Variants in GAS7 observed in about 807,000 individuals in gnomAD.
GAS7 encodes growth arrest-specific protein 7.
GAS7 carries 28 observed loss-of-function variants against 71.1 expected under a neutral mutation model. The ratio of observed to expected loss-of-function variants is 0.39; its 90% CI spans 0.29 to 0.54. GAS7 has a LOEUF of 0.54. Ranked by LOEUF, GAS7 falls within the 20% of genes least tolerant of loss-of-function variation. The pLI, the probability that GAS7 is intolerant of heterozygous loss-of-function variation, is 0.62. For missense variants in GAS7, 436 were observed against 627.8 expected (o/e 0.69, Z 3.27); for synonymous variants, 258 against 245.8 (o/e 1.05, Z -0.46).
chr17:10,181,069 C>T (rs1252846683), intron 1 of GAS7, among the ~76,000 whole-genome samples: 8 of 25,378 alleles, frequency 3.2e-4, no homozygotes, highest in African/African-American at 4.4e-4. Flanking sequence ...GGTGGCAGTG[C>T]GGGGGTGGCG....
intron 1 of GAS7, among the ~76,000 whole-genome samples, chr17:10,164,169 G>A (rs370080993): frequency 1.2e-4 from 18 of 152,226 alleles, no homozygotes; most frequent in South Asian, 1.0e-3. Flanking sequence ...TGGACTGGGC[G>A]CGGTGGCTCA....
rs2067997995 is a variant in GAS7, at chr17:9,926,320, C to T, written c.1014+321G>A. 6.6e-6 allele frequency among the ~76,000 whole-genome samples: 1 copy of T among 152,130 alleles called. No homozygotes were observed. Among genetic ancestry groups the T allele is most frequent in the African/African-American group, 2.4e-5 (1 of 41,426 alleles). On this transcript the variant is annotated intron_variant, in intron 10 of 13. Transcript: ENST00000432992. The surrounding 1 kb of genome is among the most constrained non-coding windows in gnomAD (Gnocchi z 5.0). ...GGTGAGGCTTAAACACGGGGCCCCA[C>T]GTGAACCAGCAGCAGCACTGCTAGG...
intron 9 of GAS7, among the ~76,000 whole-genome samples, 172 bp downstream of exon 9, chr17:9,933,994 G>A (rs2068300561): frequency 6.6e-6 from 1 of 152,172 alleles, no homozygotes; most frequent in African/African-American, 2.4e-5. Flanking sequence ...ACCTCATGGT[G>A]AGCCACTGGG....
At chr17:10,052,106 C>G (rs1207889585) in intron 1 of GAS7, among the ~76,000 whole-genome samples, 1 of 152,056 alleles carries the variant, frequency 6.6e-6, no homozygotes, top group Non-Finnish European at 1.5e-5. Flanking sequence ...CCCACACTGT[C>G]CCCCGATTCC....
intron 1 of GAS7, among the ~76,000 whole-genome samples, chr17:10,127,254 G>A (rs1355329366): frequency 1.3e-5 from 2 of 152,148 alleles, no homozygotes; most frequent in East Asian, 3.9e-4. Flanking sequence ...GCTTCCACGA[G>A]CCCCTCCTCA....
rs571920814 is a variant in GAS7, at chr17:10,141,446, A to C, written c.183+56762T>G. On this transcript the variant is annotated intron_variant, in intron 1 of 13. Transcript: ENST00000432992. ...CTGGGCAACAGCAAGACTGTGCCAA[A>C]AAAAAAAAGGCCACTGCTTGAATGA... is the stretch of plus-strand genomic sequence containing the variant. Among the ~76,000 whole-genome samples, 6 of 152,044 alleles carry C rather than the reference A, an allele frequency of 3.9e-5. No homozygotes were observed. In the South Asian group the frequency reaches 1.0e-3, roughly 26 times the overall value.
intron 2 of GAS7, among the ~76,000 whole-genome samples, chr17:9,983,423 C>T (rs1257649825): frequency 6.6e-6 from 1 of 151,830 alleles, no homozygotes; most frequent in African/African-American, 2.4e-5. Flanking sequence ...CCTGGGAAGT[C>T]GAGGCTGCAG....
intron 1 of GAS7, among the ~76,000 whole-genome samples, chr17:10,112,017 T>C (rs1188532544): frequency 1.3e-5 from 2 of 152,228 alleles, no homozygotes; most frequent in South Asian, 2.1e-4. Context: ...ACTTCCGCAG[T>C]TGCACCAGCC....
chr17:10,012,768 A>G (rs2071826185), intron 2 of GAS7, among the ~76,000 whole-genome samples: 1 of 152,102 alleles, frequency 6.6e-6, no homozygotes, highest in Non-Finnish European at 1.5e-5. Context: ...GGAGGTGACT[A>G]AGTCATGCAG....
intron 1 of GAS7, among the ~76,000 whole-genome samples, chr17:10,020,867 C>T (rs528581284): frequency 4.6e-5 from 7 of 152,180 alleles, no homozygotes; most frequent in African/African-American, 1.2e-4. Context: ...GAGCAGAGAT[C>T]GCACCACTGC....
intron 1 of GAS7, among the ~76,000 whole-genome samples, chr17:10,033,199 T>C (rs146840827): frequency 3.6e-3 from 547 of 152,298 alleles, no homozygotes; most frequent in Middle Eastern, 0.017. Context: ...ATTTTGTAGA[T>C]TGTTGACCTA....
In GAS7 at chr17:9,913,438, G is replaced by C. The variant is rs906431808; in HGVS notation, c.*3790C>G. On this transcript the variant is annotated 3_prime_UTR_variant, in exon 14 of 14. Coordinates refer to ENST00000432992, the MANE Select transcript of GAS7 (RefSeq NM_201433.2). Reference sequence around the variant, plus strand: ...TGATGTCCTTCGAATGTTATGGCTTGTATTTCCAAAAGGGACTTTGGCTCA... The same window carrying C: ...TGATGTCCTTCGAATGTTATGGCTTCTATTTCCAAAAGGGACTTTGGCTCA... The C allele has an allele frequency of 4.3e-6, 1 of 232,520 alleles. No individual in the cohort carries two copies. Among genetic ancestry groups the C allele is most frequent in the Non-Finnish European group, 8.5e-6 (1 of 117,366 alleles). The allele number at this position is 232,520 out of a possible 1,614,324, so 14.4% of individuals were successfully genotyped here. A position where few individuals can be genotyped will look rare whatever the true frequency, so the allele number is the denominator to read the frequency against.
chr17:10,000,305 T>A (rs2071220569), intron 2 of GAS7, among the ~76,000 whole-genome samples: 1 of 152,182 alleles, frequency 6.6e-6, no homozygotes. Flanking sequence ...GGACCACACT[T>A]CGAGAAACAC....
chr17:9,962,263 C>CACAT (rs1465411139), intron 4 of GAS7, among the ~76,000 whole-genome samples: 4 of 151,964 alleles, frequency 2.6e-5, no homozygotes, highest in Non-Finnish European at 5.9e-5. Context: ...CACACACACA[C>CACAT]ACACGTGACA....
chr17:10,052,014 G>A lies in GAS7; in HGVS notation c.184-32117C>T, dbSNP rs535156351. Among the ~76,000 whole-genome samples the A allele has an allele frequency of 2.8e-4, 42 of 152,206 alleles. 1 individual carries two copies. The South Asian group carries it at 7.1e-3, about 26-fold the overall frequency. The stretch of plus-strand genomic sequence containing the variant: ...TTGACCCTTATAAAAACCCTGGGAG[G>A]GAAGTATTTATTTTCATTTTATAAT... On this transcript the variant is annotated intron_variant, in intron 1 of 13. Transcript: ENST00000432992.
At chr17:10,120,994 G>A (rs1208548419) in intron 1 of GAS7, among the ~76,000 whole-genome samples, 1 of 152,268 alleles carries the variant, frequency 6.6e-6, no homozygotes. Context: ...TGGCAGGAGT[G>A]GCAGAGCTGC....
At chr17:10,016,267 C>A (rs2071994139) in intron 2 of GAS7, among the ~76,000 whole-genome samples, 1 of 151,766 alleles carries the variant, frequency 6.6e-6, no homozygotes, top group Non-Finnish European at 1.5e-5. Context: ...CACCTGTAGT[C>A]CCAGATACTT....
chr17:9,962,412 GAATATCC>G (rs1421845253), intron 4 of GAS7, among the ~76,000 whole-genome samples: 3 of 152,136 alleles, frequency 2.0e-5, no homozygotes, highest in Admixed American at 2.0e-4. Context: ...CAGGTATTTG[GAATATCC>G]TATTGTACCA....
intron 1 of GAS7, among the ~76,000 whole-genome samples, chr17:10,060,826 T>C (rs896802212): frequency 1.1e-4 from 17 of 152,316 alleles, no homozygotes; most frequent in South Asian, 1.0e-3. Flanking sequence ...GGCCCAGCGA[T>C]CCCACATGTA....
Sources: gnomAD v4.1 joint callset for allele counts (sites outside exome capture counted in the v4.1 genomes callset) on GRCh38, gnomAD v4.1.1 for gene constraint, Gnocchi (gnomAD v3.1) non-coding constraint, MANE v1.5 for transcripts, NCBI Gene and HGNC (gene_info 2026-07-23, HGNC 2026-07-21) for gene names.